The following RBCK1 variants were observed in gnomAD, a reference collection of about 807,000 sequenced individuals.
RBCK1 encodes the protein ranBP-type and C3HC4-type zinc finger-containing protein 1.
Under a neutral mutation model 71.1 loss-of-function variants are expected in RBCK1, and 44 were observed. The ratio of observed to expected loss-of-function variants is 0.62; its 90% CI spans 0.49 to 0.80. The LOEUF (loss-of-function observed/expected upper bound fraction) is 0.80, where lower values mean the gene tolerates loss of function less well. Among genes scored for constraint, RBCK1 ranks in the 30% least tolerant of loss-of-function variants. The probability of loss-of-function intolerance (pLI) is 0.00; values close to 1 mark genes in which losing one functional copy is unlikely to be tolerated. For synonymous variants in RBCK1, 306 were observed against 279.7 expected, an observed-to-expected ratio of 1.09 and a Z score of -0.94; for missense variants, 569 against 685.0, an observed-to-expected ratio of 0.83 and a Z score of 1.89.
intron 2 of RBCK1, among the ~76,000 whole-genome samples, chr20:415,941 A>G (rs1350618422): frequency 6.6e-6 from 1 of 152,138 alleles, no homozygotes; most frequent in East Asian, 1.9e-4. Flanking sequence ...CTATGGCGAG[A>G]AGTCACTACA....
rs557657408 is a variant in RBCK1 at position 430,388 on chromosome 20, A to G, written c.1491A>G (p.Val497=). ...GDTSGGCRCR[V]NGIPCHPSCQ... Reference sequence around the variant, plus strand: ...CCAGCGGGGGCTGCCGCTGCAGGGTAAATGGGATTCCTTGCCACCCAAGCT... The same window carrying G: ...CCAGCGGGGGCTGCCGCTGCAGGGTGAATGGGATTCCTTGCCACCCAAGCT... Residue 497 remains valine (V), a synonymous_variant, in exon 12 of 12, where the codon GTA becomes GTG. Transcript: ENST00000356286. The surrounding 1 kb of genome is among the most constrained non-coding windows in gnomAD (Gnocchi z 5.6). The G allele has an allele frequency of 2.5e-6, 4 of 1,613,772 alleles. No individual in the cohort carries two copies. The South Asian group carries it at 4.4e-5, about 18-fold the overall frequency.
intron 6 of RBCK1, chr20:420,328 A>T: frequency 1.0e-6 from 1 of 983,708 alleles, no homozygotes; most frequent in Non-Finnish European, 1.2e-6. Flanking sequence ...ACAGACATTG[A>T]TCCCCGAGTG....
At chr20:424,814 G>T (rs1354895116) in intron 8 of RBCK1, among the ~76,000 whole-genome samples, 1 of 152,218 alleles carries the variant, frequency 6.6e-6, no homozygotes, top group East Asian at 1.9e-4. Flanking sequence ...GTGAGTCTCA[G>T]AAAATGGTCA....
chr20:424,948 C>T (rs1029725887), intron 8 of RBCK1, among the ~76,000 whole-genome samples: 1 of 152,158 alleles, frequency 6.6e-6, no homozygotes, highest in Non-Finnish European at 1.5e-5. Flanking sequence ...AAATCACCCA[C>T]AAACCCAGGA....
At chr20:412,807 CTA>C (rs1019752172) in intron 2 of RBCK1, among the ~76,000 whole-genome samples, 4 of 152,222 alleles carry the variant, frequency 2.6e-5, no homozygotes, top group South Asian at 2.1e-4. Flanking sequence ...TCCAGTTAGT[CTA>C]TGTTTTATTT....
intron 2 of RBCK1, among the ~76,000 whole-genome samples, chr20:411,216 C>CT (rs1412871769): frequency 4.3e-4 from 63 of 147,040 alleles, no homozygotes; most frequent in South Asian, 8.7e-4. Context: ...CTTCATTCCC[C>CT]TTTTTTTTTT....
intron 2 of RBCK1, 138 bp downstream of exon 2, chr20:410,163 T>C: frequency 1.0e-6 from 1 of 986,246 alleles, no homozygotes; most frequent in South Asian, 1.7e-5. Context: ...TAATCAACTG[T>C]GAAATACAGA....
rs547058548 is a variant in RBCK1, at chr20:428,404, T to C, written c.1210-87T>C. 4.5e-6 allele frequency: 4 copies of C among 888,986 alleles called. No individual in the cohort carries two copies. The African/African-American group carries it at 5.1e-5, about 11-fold the overall frequency. The allele number at this position is 888,986 out of a possible 1,614,324, so 55.1% of individuals were successfully genotyped here. A position where few individuals can be genotyped will look rare whatever the true frequency, so the allele number is the denominator to read the frequency against. The stretch of plus-strand genomic sequence containing the variant: ...CTACACCTAGAGGCATTAAGTGCCT[T>C]TGTGGACTCCTGCCCTGCACCTCAC... On this transcript the variant is annotated intron_variant, in intron 9 of 11. Transcript: ENST00000356286. This position sits in a 1 kb window ranked among gnomAD's most constrained non-coding sequence, Gnocchi z 5.7.
intron 8 of RBCK1, among the ~76,000 whole-genome samples, chr20:425,626 CTTTTT>C (rs66583727): frequency 2.4e-5 from 3 of 123,282 alleles, no homozygotes. Context: ...ATGGTGTATT[CTTTTT>C]TTTTTTTTTT....
intron 8 of RBCK1, among the ~76,000 whole-genome samples, chr20:424,734 G>A (rs1040026659): frequency 1.3e-5 from 2 of 152,164 alleles, no homozygotes; most frequent in Non-Finnish European, 2.9e-5. Context: ...CCCAGCCAAG[G>A]GGCATTATGC....
intron 11 of RBCK1, among the ~76,000 whole-genome samples, 195 bp downstream of exon 11, chr20:429,289 C>T (rs2016899961): frequency 6.6e-6 from 1 of 151,130 alleles, no homozygotes; most frequent in Admixed American, 6.6e-5. Context: ...TGCAATAGCA[C>T]AATCTCAGCT....
Position 422,111 on chromosome 20 carries a change from C to G in RBCK1, c.918-16C>G, listed in dbSNP as rs769807324. ...GGTTCCTATGATCCTAACTCTTTTCCCCTCCCCTCCCCTAGGGAGTGCCTG... is the reference window on the plus strand; with the variant it reads ...GGTTCCTATGATCCTAACTCTTTTCGCCTCCCCTCCCCTAGGGAGTGCCTG... On this transcript the variant is annotated splice_polypyrimidine_tract_variant and intron_variant, in intron 7 of 11. Transcript: ENST00000356286. This position sits in a 1 kb window ranked among gnomAD's most constrained non-coding sequence, Gnocchi z 5.0. The G allele has an allele frequency of 9.4e-6, 15 of 1,599,200 alleles. No homozygotes were observed. In the African/African-American group the frequency reaches 1.9e-4, roughly 20 times the overall value.
In RBCK1 at chr20:422,064, G is replaced by A; in HGVS notation, c.918-63G>A. 7.5e-7 allele frequency: 1 copy of A among 1,335,984 alleles called. No individual in the cohort carries two copies. Among genetic ancestry groups the A allele is most frequent in the Admixed American group, 1.7e-5 (1 of 58,030 alleles). The allele number at this position is 1,335,984 out of a possible 1,614,324, so 82.8% of individuals were successfully genotyped here. On this transcript the variant is annotated intron_variant, in intron 7 of 11. Transcript: ENST00000356286. This position sits in a 1 kb window ranked among gnomAD's most constrained non-coding sequence, Gnocchi z 5.0. Reference sequence around the variant, plus strand: ...CTGGGGTCAGGCCTTGCCATGTGAGGGATGGAGTCCCCAGTGAAGGGGGTT... The same window carrying A: ...CTGGGGTCAGGCCTTGCCATGTGAGAGATGGAGTCCCCAGTGAAGGGGGTT...
intron 1 of RBCK1, among the ~76,000 whole-genome samples, chr20:409,492 G>A (rs888150408): frequency 2.7e-5 from 4 of 149,830 alleles, no homozygotes; most frequent in African/African-American, 9.8e-5. Context: ...TGTTAAACTT[G>A]TTCATTGTCT....
Position 428,751 on chromosome 20 carries a change from A to C in RBCK1, c.1308+162A>C. 3 of 1,403,228 alleles carry C rather than the reference A, an allele frequency of 2.1e-6. No homozygotes were observed. Among genetic ancestry groups the C allele is most frequent in the South Asian group, 1.5e-5 (1 of 65,916 alleles). 86.9% of individuals were successfully genotyped at this position (1,403,228 alleles called of 1,614,324 possible). A position where few individuals can be genotyped will look rare whatever the true frequency, so the allele number is the denominator to read the frequency against. On this transcript the variant is annotated intron_variant, in intron 10 of 11. Transcript: ENST00000356286. The surrounding 1 kb of genome is among the most constrained non-coding windows in gnomAD (Gnocchi z 5.7). ...GAGGTGGGACTTAGGCCGAATGGTCATGTCAGGAAGAGCGTCTGGGTGGAG... is the reference window on the plus strand; with the variant it reads ...GAGGTGGGACTTAGGCCGAATGGTCCTGTCAGGAAGAGCGTCTGGGTGGAG...
At chr20:413,668 G>C (rs539989236) in intron 2 of RBCK1, among the ~76,000 whole-genome samples, 77 of 152,252 alleles carry the variant, frequency 5.1e-4, no homozygotes, top group African/African-American at 1.9e-3. Context: ...GGAATCTCAG[G>C]TCTCACCTCA....
chr20:419,145 A>G (rs1429741597), intron 4 of RBCK1, among the ~76,000 whole-genome samples: 2 of 152,214 alleles, frequency 1.3e-5, no homozygotes, highest in African/African-American at 4.8e-5. Flanking sequence ...CAAAGGACAT[A>G]GAAGCATTTA....
At position 408,487 on chromosome 20, in the gene RBCK1, T is replaced by C. The variant is rs2015501102; in HGVS notation, c.-271T>C. On this transcript the variant is annotated 5_prime_UTR_variant, in exon 1 of 12. Coordinates refer to ENST00000356286, the MANE Select transcript of RBCK1 (RefSeq NM_031229.4). ...TTTCCCCGCTTCTTCCCACCTCGGC[T>C]GGTCCCGTTTCCTCCTGCGCCCAGT... 1 of 547,594 alleles carries C rather than the reference T, an allele frequency of 1.8e-6. No homozygotes were observed. The highest frequency in any genetic ancestry group is 3.2e-6 in the Non-Finnish European group (1 of 310,192). 33.9% of individuals were successfully genotyped at this position (547,594 alleles called of 1,614,324 possible). A position where few individuals can be genotyped will look rare whatever the true frequency, so the allele number is the denominator to read the frequency against.
In RBCK1 at chr20:420,954, C is replaced by T. The variant is rs554674208; in HGVS notation, c.840C>T (p.Ala280=). The T allele has an allele frequency of 2.6e-6, 4 of 1,557,434 alleles. No homozygotes were observed. Among genetic ancestry groups the T allele is most frequent in the Admixed American group, 3.8e-5 (2 of 52,128 alleles). Residue 280 remains alanine (A), a synonymous_variant, in exon 7 of 12, where the codon GCC becomes GCT. Coordinates refer to ENST00000356286, the MANE Select transcript of RBCK1 (RefSeq NM_031229.4). The part of the protein sequence containing the change: ...QRSLVLNTEP[A]ECPVCYSVLA... ...GCCTGGTGCTGAACACGGAGCCCGCCGAGTGCCCCGTGTGCTACTCGGTGC... is the reference window on the plus strand; with the variant it reads ...GCCTGGTGCTGAACACGGAGCCCGCTGAGTGCCCCGTGTGCTACTCGGTGC...
Sources: gnomAD v4.1 joint callset for allele counts (sites outside exome capture counted in the v4.1 genomes callset) on GRCh38, gnomAD v4.1.1 for gene constraint, Gnocchi (gnomAD v3.1) non-coding constraint, MANE v1.5 for transcripts, NCBI Gene and HGNC (gene_info 2026-07-23, HGNC 2026-07-21) for gene names.